Variants in CATSPERE observed in about 807,000 individuals in gnomAD.
CATSPERE encodes catsper channel auxiliary subunit epsilon.
Under a neutral mutation model 114.1 loss-of-function variants are expected in CATSPERE, and 93 were observed. The observed-to-expected ratio is 0.81, with a 90% CI of 0.69 to 0.97. The LOEUF (loss-of-function observed/expected upper bound fraction) is 0.97, where lower values mean the gene tolerates loss of function less well. Among genes scored for constraint, CATSPERE ranks in the 50% least tolerant of loss-of-function variants. The probability of loss-of-function intolerance (pLI) is 0.00; values close to 1 mark genes in which losing one functional copy is unlikely to be tolerated. For missense variants in CATSPERE, 1,058 were observed against 1,131.6 expected (o/e 0.93, Z 0.93); for synonymous variants, 341 against 384.1 (o/e 0.89, Z 1.31).
At chr1:244,565,821 G>A (rs557172395) in intron 10 of CATSPERE, among the ~76,000 whole-genome samples, 100 of 152,056 alleles carry the variant, frequency 6.6e-4, no homozygotes, top group Non-Finnish European at 1.2e-3. Flanking sequence ...AGGGTTTTTC[G>A]TGTCTCTATC....
At chr1:244,465,170 G>T (rs1667421914) in intron 2 of CATSPERE, among the ~76,000 whole-genome samples, 2 of 151,858 alleles carry the variant, frequency 1.3e-5, no homozygotes, top group South Asian at 4.1e-4. Flanking sequence ...TGAGTAGCTG[G>T]GACTACAGGT....
intron 19 of CATSPERE, among the ~76,000 whole-genome samples, chr1:244,614,556 C>T (rs985869093): frequency 1.3e-5 from 2 of 152,192 alleles, no homozygotes; most frequent in South Asian, 2.1e-4. Context: ...CTGTCCGAGT[C>T]GAGCGGGAAC....
chr1:244,604,477 G>A (rs750941203), intron 17 of CATSPERE, among the ~76,000 whole-genome samples: 8 of 152,270 alleles, frequency 5.3e-5, no homozygotes, highest in African/African-American at 1.2e-4. Context: ...CAAATGTGAG[G>A]TGAAGCAGAG....
rs869072216 is a variant in CATSPERE at position 244,621,304 on chromosome 1, T to TA, written c.2648+3621dup. On this transcript the variant is annotated intron_variant, in intron 20 of 21. Transcript: ENST00000366534. ...ATATAGATATATCTATATAAATATA[T>TA]AAATATATAAAATATATATATATAT... is the stretch of plus-strand genomic sequence containing the variant. Among the ~76,000 whole-genome samples, 16 of 64,174 alleles carry TA rather than the reference T, an allele frequency of 2.5e-4. 1 individual carries two copies. The highest frequency in any genetic ancestry group is 7.7e-4 in the East Asian group (2 of 2,608). The allele number at this position is 64,174 out of a possible 152,430, so 42.1% of individuals were successfully genotyped here. A position where few individuals can be genotyped will look rare whatever the true frequency, so the allele number is the denominator to read the frequency against.
chr1:244,635,165 T>A (rs1372696936), intron 20 of CATSPERE, among the ~76,000 whole-genome samples: 2 of 152,202 alleles, frequency 1.3e-5, no homozygotes, highest in Non-Finnish European at 2.9e-5. Flanking sequence ...CAATAAGTAT[T>A]AATACTCATA....
rs960075813 is a variant in CATSPERE, at chr1:244,640,301, A to G, written c.*220A>G. Reference sequence around the variant, plus strand: ...TTAATCCTTTGTTTGCCTTCATTTTAAAGATACTCTATGTACTCTCACATG... The same window carrying G: ...TTAATCCTTTGTTTGCCTTCATTTTGAAGATACTCTATGTACTCTCACATG... On this transcript the variant is annotated 3_prime_UTR_variant, in exon 22 of 22. Transcript: ENST00000366534. 2 of 371,534 alleles carry G rather than the reference A, an allele frequency of 5.4e-6. No individual in the cohort carries two copies. The highest frequency in any genetic ancestry group is 2.1e-5 in the African/African-American group (1 of 47,538). The allele number at this position is 371,534 out of a possible 1,614,324, so 23.0% of individuals were successfully genotyped here. A position where few individuals can be genotyped will look rare whatever the true frequency, so the allele number is the denominator to read the frequency against.
In CATSPERE at chr1:244,575,328, C is replaced by T. The variant is rs960057800; in HGVS notation, c.1950+2556C>T. 6.6e-6 allele frequency among the ~76,000 whole-genome samples: 1 copy of T among 152,220 alleles called. No individual in the cohort carries two copies. The highest frequency in any genetic ancestry group is 1.5e-5 in the Non-Finnish European group (1 of 68,036). The stretch of plus-strand genomic sequence containing the variant: ...ACCTCCTCTGCTCTCCTCCTGGCAC[C>T]AGTCCTTGACCTCTTCTTCCACGCA... On this transcript the variant is annotated intron_variant, in intron 11 of 21. Coordinates refer to ENST00000366534, the MANE Select transcript of CATSPERE (RefSeq NM_001130957.2). The surrounding 1 kb of genome is among the most constrained non-coding windows in gnomAD (Gnocchi z 4.5).
chr1:244,635,464 T>A, intron 20 of CATSPERE, 25 bp from the exon 21 acceptor site: 1 of 1,558,986 alleles, frequency 6.4e-7, no homozygotes, highest in Non-Finnish European at 8.8e-7. Context: ...AGTGTAATCT[T>A]TCATATTATT....
At chr1:244,595,619 G>A (rs555420016) in intron 17 of CATSPERE, among the ~76,000 whole-genome samples, 15 of 152,290 alleles carry the variant, frequency 9.8e-5, no homozygotes, top group African/African-American at 3.4e-4. Flanking sequence ...CAAGTCTTAC[G>A]GTGGAGTGGC....
chr1:244,610,934 T>G (rs1372874338), intron 19 of CATSPERE, among the ~76,000 whole-genome samples: 1 of 152,084 alleles, frequency 6.6e-6, no homozygotes, highest in East Asian at 1.9e-4. Context: ...CTAATTTTTG[T>G]GTTTTTAGTA....
At chr1:244,472,116 A>G (rs774203030) in intron 2 of CATSPERE, among the ~76,000 whole-genome samples, 41 of 152,172 alleles carry the variant, frequency 2.7e-4, no homozygotes, top group South Asian at 6.2e-4. Flanking sequence ...GCACCACCAC[A>G]CCCAGCTAAT....
intron 20 of CATSPERE, among the ~76,000 whole-genome samples, chr1:244,621,306 A>G (rs55658779): frequency 2.7e-5 from 1 of 37,360 alleles, no homozygotes; most frequent in Admixed American, 3.8e-4. Context: ...TAAATATATA[A>G]ATATATAAAA....
chr1:244,573,794 G>A lies in CATSPERE; in HGVS notation c.1950+1022G>A, dbSNP rs748398850. Among the ~76,000 whole-genome samples, 12 of 152,142 alleles carry A rather than the reference G, an allele frequency of 7.9e-5. No homozygotes were observed. Among genetic ancestry groups the A allele is most frequent in the African/African-American group, 1.4e-4 (6 of 41,422 alleles). Reference sequence around the variant, plus strand: ...AGAAATAGCAAGTTACACTGCATACGGGACATGCATATGGGAATGGGAAAA... The same window carrying A: ...AGAAATAGCAAGTTACACTGCATACAGGACATGCATATGGGAATGGGAAAA... On this transcript the variant is annotated intron_variant, in intron 11 of 21. Transcript: ENST00000366534. This position sits in a 1 kb window ranked among gnomAD's most constrained non-coding sequence, Gnocchi z 4.0.
At chr1:244,548,361 C>G (rs1366345457) in intron 8 of CATSPERE, among the ~76,000 whole-genome samples, 1 of 152,174 alleles carries the variant, frequency 6.6e-6, no homozygotes, top group African/African-American at 2.4e-5. Flanking sequence ...CTCTGAGTAC[C>G]CAGTCTGCCA....
intron 7 of CATSPERE, among the ~76,000 whole-genome samples, chr1:244,501,026 G>A (rs1251240995): frequency 1.3e-5 from 2 of 152,150 alleles, no homozygotes; most frequent in Non-Finnish European, 2.9e-5. Flanking sequence ...TCCTTGAGCA[G>A]GGGTTTGTAG....
chr1:244,540,394 C>T (rs1658471663), intron 8 of CATSPERE, among the ~76,000 whole-genome samples: 1 of 100,786 alleles, frequency 9.9e-6, no homozygotes, highest in Non-Finnish European at 2.1e-5. Context: ...TGAGTGAACT[C>T]ACATTCACAA....
intron 9 of CATSPERE, among the ~76,000 whole-genome samples, chr1:244,557,704 G>GTTTA (rs1386027189): frequency 1.3e-5 from 2 of 149,570 alleles, no homozygotes; most frequent in Admixed American, 6.7e-5. Flanking sequence ...GGATTTCTGG[G>GTTTA]TTTATGTCTT....
Position 244,568,138 on chromosome 1 carries a change from C to T in CATSPERE, c.1508-4192C>T, listed in dbSNP as rs1663876821. 6.6e-6 allele frequency among the ~76,000 whole-genome samples: 1 copy of T among 152,176 alleles called. No homozygotes were observed. The highest frequency in any genetic ancestry group is 6.5e-5 in the Admixed American group (1 of 15,282). On this transcript the variant is annotated intron_variant, in intron 10 of 21. Transcript: ENST00000366534. The surrounding 1 kb of genome is among the most constrained non-coding windows in gnomAD (Gnocchi z 4.4). Reference sequence around the variant, plus strand: ...TGCTGGAGTTTGCTGGAGGTCCACTCCAGCCCCTGTTTGCCTGGGTATCAC... The same window carrying T: ...TGCTGGAGTTTGCTGGAGGTCCACTTCAGCCCCTGTTTGCCTGGGTATCAC...
chr1:244,587,284 G>A (rs545403703), intron 13 of CATSPERE, among the ~76,000 whole-genome samples: 1 of 152,322 alleles, frequency 6.6e-6, no homozygotes, highest in Admixed American at 6.5e-5. Context: ...AAAAAGAGAA[G>A]GTAAAAATTG....
Sources: allele counts gnomAD v4.1 joint callset (sites outside exome capture counted in the v4.1 genomes callset), GRCh38; gene constraint gnomAD v4.1.1; non-coding constraint Gnocchi (gnomAD v3.1); transcripts MANE v1.5; gene names NCBI Gene and HGNC (gene_info 2026-07-23, HGNC 2026-07-21).